MAMSTR: variants seen among roughly 807,000 people sequenced by gnomAD.
The protein encoded by MAMSTR is MEF2 activating motif and SAP domain containing transcriptional regulator.
MAMSTR carries 41 observed loss-of-function variants against 42.7 expected under a neutral mutation model. The ratio of observed to expected loss-of-function variants is 0.96; its 90% CI spans 0.75 to 1.25. MAMSTR has a LOEUF of 1.25. Ranked by LOEUF, MAMSTR falls within the 50% of genes most tolerant of loss-of-function variation. The probability of loss-of-function intolerance (pLI) is 0.00; values close to 1 mark genes in which losing one functional copy is unlikely to be tolerated. For synonymous variants in MAMSTR, 265 were observed against 244.1 expected (o/e 1.09, Z -0.80); for missense variants, 567 against 557.6 (o/e 1.02, Z -0.17).
chr19:48,715,159 G>A (rs1437956542), intron 5 of MAMSTR, 103 bp downstream of exon 5: 3 of 1,058,948 alleles, frequency 2.8e-6, no homozygotes, highest in African/African-American at 3.2e-5. Context: ...GAGAAGAGAG[G>A]GTTGGGGGCC....
chr19:48,718,946 C>A, intron 2 of MAMSTR, 28 bp downstream of exon 2: 1 of 1,542,306 alleles, frequency 6.5e-7, no homozygotes. Flanking sequence ...GATCCCATCC[C>A]CCACGCATAA....
At chr19:48,711,769 G>A (rs1212630972), downstream of MAMSTR, among the ~76,000 whole-genome samples, 17 of 107,384 alleles carry the variant, frequency 1.6e-4, no homozygotes, top group African/African-American at 5.5e-4. Context: ...TTTTTGAGAC[G>A]GAGTCTCGCT....
At chr19:48,714,149 C>T in intron 7 of MAMSTR, 104 bp from the exon 8 acceptor site, 1 of 1,276,592 alleles carries the variant, frequency 7.8e-7, no homozygotes, top group South Asian at 1.6e-5. Context: ...CGCGACCCCT[C>T]GCTCATCAAC....
downstream of MAMSTR, among the ~76,000 whole-genome samples, chr19:48,711,328 A>T (rs895865700): frequency 1.3e-5 from 2 of 152,142 alleles, no homozygotes; most frequent in African/African-American, 4.8e-5. Flanking sequence ...GTCACACTGC[A>T]CAACCCAGCT....
downstream of MAMSTR, among the ~76,000 whole-genome samples, chr19:48,707,869 AAGAAAG>A (rs2032671362): frequency 8.8e-6 from 1 of 114,122 alleles, no homozygotes; most frequent in African/African-American, 3.6e-5. Flanking sequence ...GAAAGAAAGA[AAGAAAG>A]AAAGAAAGAA....
At chr19:48,713,834 G>C in intron 8 of MAMSTR, 26 bp downstream of exon 8, 1 of 1,614,190 alleles carries the variant, frequency 6.2e-7, no homozygotes, top group Non-Finnish European at 8.5e-7. Context: ...GAGAACCCTA[G>C]CCGGATTCAA....
At chr19:48,706,206 G>T in the MAMSTR span, among the ~76,000 whole-genome samples, 7 of 149,568 alleles carry the variant, frequency 4.7e-5, no homozygotes, top group African/African-American at 1.7e-4. Flanking sequence ...AGAATCGTTT[G>T]CACCAGGGAG....
At chr19:48,706,539 A>G in the MAMSTR span, among the ~76,000 whole-genome samples, 1,922 of 152,142 alleles carry the variant, frequency 0.013, 55 homozygotes, top group African/African-American at 0.044. Flanking sequence ...AGGGAGGCTG[A>G]GACAGAAGAA....
At chr19:48,711,739 GTTTTT>G (rs34890088), downstream of MAMSTR, among the ~76,000 whole-genome samples, 1 of 76,238 alleles carries the variant, frequency 1.3e-5, no homozygotes, top group African/African-American at 5.5e-5. Flanking sequence ...TACCTGGCTA[GTTTTT>G]TTTTTTTTTT....
At chr19:48,712,338 C>T (rs1034095554), downstream of MAMSTR, among the ~76,000 whole-genome samples, 1 of 152,122 alleles carries the variant, frequency 6.6e-6, no homozygotes, top group Non-Finnish European at 1.5e-5. Flanking sequence ...CTGAAGTCAC[C>T]TCTTGCTCCT....
chr19:48,717,313 T>A (rs59078773), intron 2 of MAMSTR, among the ~76,000 whole-genome samples: 229 of 152,148 alleles, frequency 1.5e-3, no homozygotes, highest in Middle Eastern at 6.8e-3. Flanking sequence ...TTCCTTTTTT[T>A]AATTTGTTTT....
rs924320574 is a variant in MAMSTR, at chr19:48,719,068, G to C, written c.-21-16C>G. On this transcript the variant is annotated splice_polypyrimidine_tract_variant and intron_variant, in intron 1 of 9. Transcript: ENST00000318083. This position sits in a 1 kb window ranked among gnomAD's most constrained non-coding sequence, Gnocchi z 4.4. The stretch of plus-strand genomic sequence containing the variant: ...GGATGGGGACCTGGACGGAGAGGGG[G>C]CAGGGCAGGGGCCCCATAGAGGGCT... 8.4e-6 allele frequency: 13 copies of C among 1,541,942 alleles called. No individual in the cohort carries two copies. The East Asian group carries it at 2.4e-4, about 29-fold the overall frequency.
chr19:48,714,101 A>T (rs2032865973), intron 7 of MAMSTR, 56 bp from the exon 8 acceptor site: 1 of 1,490,500 alleles, frequency 6.7e-7, no homozygotes, highest in African/African-American at 1.4e-5. Context: ...GCGCAACCCC[A>T]CCCACTCGCA....
In MAMSTR at chr19:48,714,881, G is replaced by T. The variant is rs1420424882; in HGVS notation, c.453C>A (p.Cys151Ter). The T allele has an allele frequency of 6.2e-7, 1 of 1,610,776 alleles. No individual in the cohort carries two copies. The highest frequency in any genetic ancestry group is 1.3e-5 in the African/African-American group (1 of 74,780). ...GCGAGGGGCTAGGGACTCCTGGTGG[G>T]CAGGGAGTGAGGGGAGAGGGCTTCA... ...PRMKPSPLTP[C>*]PPGVPSPSPP... The change falls in exon 6 of 10, where the codon TGC (cysteine) becomes TGA (stop). Residue 151 changes from cysteine to a stop codon, truncating the protein, a stop_gained. Coordinates refer to ENST00000318083, the MANE Select transcript of MAMSTR (RefSeq NM_001130915.2). LOFTEE classifies it high-confidence loss of function.
Position 48,719,410 on chromosome 19 carries a change from G to A in MAMSTR, c.-22+269C>T, listed in dbSNP as rs2033169567. ...CTGTGTCTAGGAAAGGGAGGAAGCAGAGGGGCCTGGAGTCTGGAATCTTGA... is the reference window on the plus strand; with the variant it reads ...CTGTGTCTAGGAAAGGGAGGAAGCAAAGGGGCCTGGAGTCTGGAATCTTGA... On this transcript the variant is annotated intron_variant, in intron 1 of 9. Coordinates refer to ENST00000318083, the MANE Select transcript of MAMSTR (RefSeq NM_001130915.2). The surrounding 1 kb of genome is among the most constrained non-coding windows in gnomAD (Gnocchi z 4.4). Among the ~76,000 whole-genome samples, 1 of 152,158 alleles carries A rather than the reference G, an allele frequency of 6.6e-6. No individual in the cohort carries two copies. Among genetic ancestry groups the A allele is most frequent in the African/African-American group, 2.4e-5 (1 of 41,442 alleles).
Position 48,713,346 on chromosome 19 carries a change from G to C in MAMSTR, c.1169C>G (p.Pro390Arg). Residue 390 changes from proline (P) to arginine (R), a missense_variant, in exon 10 of 10, where the codon CCA (proline) becomes CGA (arginine). Physicochemically the swap from Pro to Arg is moderately radical, Grantham distance 103 (BLOSUM62 -2). Coordinates refer to ENST00000318083, the MANE Select transcript of MAMSTR (RefSeq NM_001130915.2). Reference protein sequence around the residue: ...SGGPPLGSGPPPPSIFSADLS... With the variant: ...SGGPPLGSGPRPPSIFSADLS... ...GTCAGCGGAGAAGATGCTGGGGGGT[G>C]GGGGACCAGAACCCAGAGGAGGACC... The C allele has an allele frequency of 1.2e-6, 2 of 1,608,094 alleles. No homozygotes were observed. Among genetic ancestry groups the C allele is most frequent in the South Asian group, 2.2e-5 (2 of 90,814 alleles).
chr19:48,715,364 G>A lies in MAMSTR; in HGVS notation c.323C>T (p.Pro108Leu). ...LTYHQYMPPE[P>L]RQGSRADPQA... is the part of the protein sequence containing the mutation. ...GGGGTCCGCCCTGGATCCCTGTCTC[G>A]GCTCTGGGGGCATGTACTGGTGGTA... Residue 108 changes from proline (P) to leucine (L), a missense_variant, in exon 5 of 10, where the codon CCG (proline) becomes CTG (leucine). By Grantham distance (98) the Pro-to-Leu change is moderately conservative. Transcript: ENST00000318083. 2.6e-6 allele frequency: 4 copies of A among 1,541,410 alleles called. No individual in the cohort carries two copies. The highest frequency in any genetic ancestry group is 3.5e-6 in the Non-Finnish European group (4 of 1,151,490).
intron 2 of MAMSTR, chr19:48,716,982 C>T: frequency 1.7e-6 from 2 of 1,155,778 alleles, no homozygotes; most frequent in Non-Finnish European, 2.1e-6. Flanking sequence ...AGCCAGCGTG[C>T]AGGCTGGAGG....
downstream of MAMSTR, among the ~76,000 whole-genome samples, chr19:48,710,270 A>ATTTT (rs1351063840): frequency 4.2e-3 from 474 of 111,668 alleles, 9 homozygotes; most frequent in African/African-American, 0.015. Context: ...ACACCTGGCT[A>ATTTT]ATTATTTTTT....
Sources: gnomAD v4.1 joint callset for allele counts (sites outside exome capture counted in the v4.1 genomes callset) on GRCh38, gnomAD v4.1.1 for gene constraint, Gnocchi (gnomAD v3.1) non-coding constraint, MANE v1.5 for transcripts, NCBI Gene and HGNC (gene_info 2026-07-23, HGNC 2026-07-21) for gene names.